The following FSTL5 variants were observed in gnomAD, a reference collection of about 807,000 sequenced individuals.
The protein encoded by FSTL5 is follistatin-related protein 5.
Under a neutral mutation model 89.1 loss-of-function variants are expected in FSTL5, and 62 were observed. The observed-to-expected ratio is 0.70, with a 90% CI of 0.57 to 0.86. FSTL5 has a LOEUF of 0.86. Ranked by LOEUF, FSTL5 falls within the 40% of genes least tolerant of loss-of-function variation. The probability of loss-of-function intolerance (pLI) is 0.00; values close to 1 mark genes in which losing one functional copy is unlikely to be tolerated. For missense variants in FSTL5, 1,057 were observed against 1,001.6 expected (o/e 1.06, Z -0.75); for synonymous variants, 383 against 346.2 (o/e 1.11, Z -1.18).
chr4:161,475,669 G>C (rs1296156966), intron 13 of FSTL5, among the ~76,000 whole-genome samples: 1 of 150,786 alleles, frequency 6.6e-6, no homozygotes. Context: ...TTAGTACTTT[G>C]AGCATCTTTA....
chr4:161,724,335 C>A (rs998743675), intron 6 of FSTL5, among the ~76,000 whole-genome samples: 1 of 151,976 alleles, frequency 6.6e-6, no homozygotes, highest in Non-Finnish European at 1.5e-5. Flanking sequence ...AAAAAGATCT[C>A]CTGGAACTAA....
At chr4:161,649,971 T>C (rs1736279928) in intron 7 of FSTL5, among the ~76,000 whole-genome samples, 1 of 152,204 alleles carries the variant, frequency 6.6e-6, no homozygotes, top group South Asian at 2.1e-4. Context: ...GGTCTTGGAA[T>C]GCTAGAGAAA....
chr4:161,924,976 G>T lies in FSTL5; in HGVS notation c.161-4324C>A, dbSNP rs1344370838. Among the ~76,000 whole-genome samples the T allele has an allele frequency of 4.6e-5, 7 of 151,796 alleles. No individual in the cohort carries two copies. In the East Asian group the frequency reaches 1.3e-3, roughly 29 times the overall value. On this transcript the variant is annotated intron_variant, in intron 3 of 15. Coordinates refer to ENST00000306100, the MANE Select transcript of FSTL5 (RefSeq NM_020116.5). Reference sequence around the variant, plus strand: ...AAAAGAACAACAGATTTTGGTCATAGAACAGAATTTGAGTCTTTGCTTTTC... The same window carrying T: ...AAAAGAACAACAGATTTTGGTCATATAACAGAATTTGAGTCTTTGCTTTTC...
intron 3 of FSTL5, among the ~76,000 whole-genome samples, chr4:161,937,047 G>A (rs1433025092): frequency 6.6e-6 from 1 of 152,022 alleles, no homozygotes; most frequent in East Asian, 1.9e-4. Context: ...GCATTAAGTA[G>A]GCATGTGAGT....
chr4:161,711,159 C>A (rs191824441), intron 6 of FSTL5, among the ~76,000 whole-genome samples: 3 of 151,296 alleles, frequency 2.0e-5, no homozygotes, highest in Admixed American at 1.3e-4. Flanking sequence ...GGGACAGGTA[C>A]GAGGAAATTA....
intron 8 of FSTL5, among the ~76,000 whole-genome samples, chr4:161,577,829 C>T (rs577135301): frequency 6.6e-6 from 1 of 152,150 alleles, no homozygotes; most frequent in Non-Finnish European, 1.5e-5. Context: ...AGGATAGGTG[C>T]CATATGAGTT....
At chr4:161,911,827 T>C (rs1166129932) in intron 4 of FSTL5, among the ~76,000 whole-genome samples, 1 of 152,208 alleles carries the variant, frequency 6.6e-6, no homozygotes, top group Non-Finnish European at 1.5e-5. Context: ...TAATTATTCA[T>C]GCTTTTTTCG....
chr4:161,459,077 T>A, intron 14 of FSTL5, 135 bp downstream of exon 14: 1 of 591,602 alleles, frequency 1.7e-6, no homozygotes. Flanking sequence ...TGCCTTTTTC[T>A]GTGCCTATCT....
intron 15 of FSTL5, among the ~76,000 whole-genome samples, chr4:161,427,889 A>G (rs1004625050): frequency 1.3e-5 from 2 of 151,620 alleles, no homozygotes; most frequent in Non-Finnish European, 2.9e-5. Flanking sequence ...ACAACTATCA[A>G]TACAAAATAC....
intron 3 of FSTL5, among the ~76,000 whole-genome samples, chr4:162,004,844 C>G (rs892461386): frequency 1.3e-5 from 2 of 152,086 alleles, no homozygotes. Context: ...CCCTGGCATA[C>G]AGTGGACATT....
intron 6 of FSTL5, among the ~76,000 whole-genome samples, chr4:161,757,621 A>AT (rs892512055): frequency 6.6e-6 from 1 of 151,736 alleles, no homozygotes; most frequent in Non-Finnish European, 1.5e-5. Context: ...TGTTCTTTTT[A>AT]TTTTTTTATT....
At chr4:162,155,462 G>C (rs1733429869) in intron 1 of FSTL5, among the ~76,000 whole-genome samples, 1 of 152,144 alleles carries the variant, frequency 6.6e-6, no homozygotes, top group South Asian at 2.1e-4. Flanking sequence ...CAGCTCACCT[G>C]TACCCAGACT....
At chr4:161,624,677 GA>G (rs1033299200) in intron 7 of FSTL5, among the ~76,000 whole-genome samples, 45 of 149,654 alleles carry the variant, frequency 3.0e-4, no homozygotes, top group African/African-American at 1.1e-3. Context: ...TACTGTTTGA[GA>G]AAAAAAAATA....
intron 2 of FSTL5, among the ~76,000 whole-genome samples, chr4:162,051,424 G>C (rs2111258223): frequency 6.6e-6 from 1 of 151,268 alleles, no homozygotes; most frequent in South Asian, 2.1e-4. Context: ...AGAATCACTT[G>C]AGATATAAAT....
intron 7 of FSTL5, among the ~76,000 whole-genome samples, chr4:161,641,504 G>GTTT (rs71598725): frequency 3.0e-5 from 4 of 132,326 alleles, no homozygotes; most frequent in Non-Finnish European, 3.3e-5. Flanking sequence ...TTTTTGTTTT[G>GTTT]TTTTGTTTTT....
At chr4:161,720,245 C>T (rs1291818875) in intron 6 of FSTL5, among the ~76,000 whole-genome samples, 5 of 149,690 alleles carry the variant, frequency 3.3e-5, no homozygotes, top group East Asian at 3.9e-4. Context: ...ATACAAATAG[C>T]GTACAGATAC....
In FSTL5 at chr4:161,851,111, CA is replaced by C. The variant is rs34095953; in HGVS notation, c.409+69292del. On this transcript the variant is annotated intron_variant, in intron 4 of 15. Coordinates refer to ENST00000306100, the MANE Select transcript of FSTL5 (RefSeq NM_020116.5). The stretch of plus-strand genomic sequence containing the variant: ...TCTCTAAAGATAACAATGATTTAAG[CA>C]AAATCTGGTCTTCTCTAGTAATTAT... Among the ~76,000 whole-genome samples the C allele has an allele frequency of 6.5e-3, 988 of 152,230 alleles. 30 individuals carry two copies. The East Asian group carries it at 0.073, about 11-fold the overall frequency.
At position 162,080,685 on chromosome 4, in the gene FSTL5, T is replaced by C. The variant is rs187567028; in HGVS notation, c.126+30586A>G. On this transcript the variant is annotated intron_variant, in intron 2 of 15. Coordinates refer to ENST00000306100, the MANE Select transcript of FSTL5 (RefSeq NM_020116.5). ...ATTATCTTGTCTCTAAAATGTTGCT[T>C]TTCAGTTTGAGTATCAATATTTTGA... 2.6e-5 allele frequency among the ~76,000 whole-genome samples: 4 copies of C among 151,800 alleles called. No homozygotes were observed. In the East Asian group the frequency reaches 5.8e-4, roughly 22 times the overall value.
chr4:161,438,656 A>C (rs1732655114), intron 15 of FSTL5, among the ~76,000 whole-genome samples: 1 of 152,206 alleles, frequency 6.6e-6, no homozygotes, highest in Admixed American at 6.5e-5. Flanking sequence ...ACAAAATATA[A>C]TTGAATTGAA....
Sources: gnomAD v4.1 joint callset for allele counts (sites outside exome capture counted in the v4.1 genomes callset) on GRCh38, gnomAD v4.1.1 for gene constraint, MANE v1.5 for transcripts, NCBI Gene and HGNC (gene_info 2026-07-23, HGNC 2026-07-21) for gene names.